EIF4G2: variants seen among roughly 807,000 people sequenced by gnomAD.
EIF4G2 encodes the protein DAP-5.
In EIF4G2, 8 loss-of-function variants were observed where a neutral mutation model predicts 117.7. The observed-to-expected ratio is 0.07, with a 90% confidence interval of 0.04 to 0.12. EIF4G2 has a LOEUF of 0.12. Ranked by LOEUF, EIF4G2 falls within the 10% of genes least tolerant of loss-of-function variation. The pLI, the probability that EIF4G2 is intolerant of heterozygous loss-of-function variation, is 1.00. For missense variants in EIF4G2, 812 were observed against 1,086.2 expected, an observed-to-expected ratio of 0.75 and a Z score of 3.55; for synonymous variants, 413 against 367.8, an observed-to-expected ratio of 1.12 and a Z score of -1.41.
Position 10,799,789 on chromosome 11 carries a change from A to C in EIF4G2, c.2120-33T>G, listed in dbSNP as rs772584604. ...GACAAAGCCACCTGCATCATCTAAT[A>C]GTTCATTTTACCAAGTTGTCCTGTC... On this transcript the variant is annotated intron_variant, in intron 18 of 21. Coordinates refer to ENST00000339995, the MANE Select transcript of EIF4G2 (RefSeq NM_001418.4). 2.1e-5 allele frequency: 34 copies of C among 1,597,204 alleles called. No individual in the cohort carries two copies. In the East Asian group the frequency reaches 7.6e-4, roughly 36 times the overall value.
chr11:10,805,510 G>A (rs1024862108), intron 4 of EIF4G2, among the ~76,000 whole-genome samples: 16 of 152,084 alleles, frequency 1.1e-4, no homozygotes, highest in Admixed American at 6.5e-4. Flanking sequence ...GAGTGCAGTG[G>A]CGTGATCTCG....
chr11:10,808,618 G>T, intron 1 of EIF4G2, 87 bp downstream of exon 1: 1 of 605,564 alleles, frequency 1.7e-6, no homozygotes, highest in Non-Finnish European at 2.3e-6. Context: ...GCCTGCGGCC[G>T]CCATTTTGTA....
At position 10,807,236 on chromosome 11, in the gene EIF4G2, A is replaced by G. The variant is rs1174850306; in HGVS notation, c.41+19T>C. ...ACTGGCCTTTTCAAAAGGATTCCCC[A>G]AAATAAATCTACAAGTACCTGAAAC... On this transcript the variant is annotated intron_variant, in intron 2 of 21. Coordinates refer to ENST00000339995, the MANE Select transcript of EIF4G2 (RefSeq NM_001418.4). The G allele has an allele frequency of 6.2e-7, 1 of 1,603,400 alleles. No individual in the cohort carries two copies. The highest frequency in any genetic ancestry group is 8.5e-7 in the Non-Finnish European group (1 of 1,176,632).
intron 11 of EIF4G2, 64 bp downstream of exon 11, chr11:10,802,966 G>A: frequency 4.1e-6 from 6 of 1,474,874 alleles, no homozygotes; most frequent in Non-Finnish European, 5.6e-6. Context: ...TGGGTGAGGA[G>A]GAAACCCATT....
In EIF4G2 at chr11:10,800,655, G is replaced by A. The variant is rs4910190; in HGVS notation, c.1645-8C>T. Reference sequence around the variant, plus strand: ...TTCAGTCACAACAGTTTCCTGTGAAGAACACAAGTATCTTTAATGTATTCT... The same window carrying A: ...TTCAGTCACAACAGTTTCCTGTGAAAAACACAAGTATCTTTAATGTATTCT... On this transcript the variant is annotated splice_region_variant and splice_polypyrimidine_tract_variant and intron_variant, in intron 16 of 21. Coordinates refer to ENST00000339995, the MANE Select transcript of EIF4G2 (RefSeq NM_001418.4). 0.56 allele frequency: 906,379 copies of A among 1,613,750 alleles called. 261,891 individuals are homozygous for A. Among genetic ancestry groups the A allele is most frequent in the South Asian group, 0.7 (63,311 of 91,068 alleles).
At chr11:10,804,584 A>G in intron 5 of EIF4G2, 166 bp from the exon 6 acceptor site, 4 of 849,562 alleles carry the variant, frequency 4.7e-6, no homozygotes, top group Non-Finnish European at 6.9e-6. Context: ...AGAAAATGCC[A>G]TGGATATCAA....
chr11:10,807,598 A>G (rs1847617916), intron 1 of EIF4G2: 1 of 1,186,680 alleles, frequency 8.4e-7, no homozygotes, highest in African/African-American at 1.6e-5. Flanking sequence ...GTAGAACACA[A>G]GAGCATTTTA....
In EIF4G2 at chr11:10,803,024, T is replaced by A. The variant is rs1847472754; in HGVS notation, c.996+6A>T. On this transcript the variant is annotated splice_donor_region_variant and intron_variant, in intron 11 of 21. Transcript: ENST00000339995. The surrounding 1 kb of genome is among the most constrained non-coding windows in gnomAD (Gnocchi z 4.0). Reference sequence around the variant, plus strand: ...ATGTGACAAACAAAACAAAACCCAATCTTACTTTTACTGCATCTTGACGAA... The same window carrying A: ...ATGTGACAAACAAAACAAAACCCAAACTTACTTTTACTGCATCTTGACGAA... The A allele has an allele frequency of 6.2e-7, 1 of 1,606,034 alleles. No individual in the cohort carries two copies. The highest frequency in any genetic ancestry group is 8.5e-7 in the Non-Finnish European group (1 of 1,176,444).
chr11:10,798,960 T>C (rs746139978), intron 21 of EIF4G2, 32 bp downstream of exon 21: 20 of 1,584,218 alleles, frequency 1.3e-5, no homozygotes, highest in Middle Eastern at 1.7e-4. Flanking sequence ...CAAACTGAAG[T>C]AAGCAGACCA....
Position 10,799,385 on chromosome 11 carries a change from G to A in EIF4G2, c.2364C>T (p.Ser788=), listed in dbSNP as rs771946668. The A allele has an allele frequency of 4.3e-6, 7 of 1,612,076 alleles. No homozygotes were observed. The African/African-American group carries it at 6.7e-5, about 15-fold the overall frequency. The change falls in exon 20 of 22, where the codon AGC becomes AGT. Residue 788 remains serine, a synonymous_variant. Coordinates refer to ENST00000339995, the MANE Select transcript of EIF4G2 (RefSeq NM_001418.4). ...GAGCAGAGGATGAATCTGTTTCATC[G>A]CTGGGGGGGTTTACTTCACTAGAAA...
Position 10,804,144 on chromosome 11 carries a change from A to G in EIF4G2, c.543T>C (p.Asn181=), listed in dbSNP as rs1420551540. Reference sequence around the variant, plus strand: ...ATCAGCTATAAGTCTTACCATCAACATTTCTAGTTCGGTTTTCAAATTCAT... The same window carrying G: ...ATCAGCTATAAGTCTTACCATCAACGTTTCTAGTTCGGTTTTCAAATTCAT... Residue 181 remains asparagine (N), a synonymous_variant, in exon 7 of 22, where the codon AAT becomes AAC. Transcript: ENST00000339995. The G allele has an allele frequency of 8.7e-6, 14 of 1,614,044 alleles. No homozygotes were observed. In the African/African-American group the frequency reaches 1.6e-4, roughly 18 times the overall value.
In EIF4G2 at chr11:10,800,151, A is replaced by G; in HGVS notation, c.2058T>C (p.Asp686=). 6.2e-7 allele frequency: 1 copy of G among 1,614,166 alleles called. No homozygotes were observed. The highest frequency in any genetic ancestry group is 8.5e-7 in the Non-Finnish European group (1 of 1,180,016). The change falls in exon 18 of 22, where the codon GAT becomes GAC. Residue 686 remains aspartate (D), a synonymous_variant. Coordinates refer to ENST00000339995, the MANE Select transcript of EIF4G2 (RefSeq NM_001418.4). ...GAAAAAGTTCTGTTAACCATTCTCGATCTTGTAATTTAGCTAACTGCTGAA... is the reference window on the plus strand; with the variant it reads ...GAAAAAGTTCTGTTAACCATTCTCGGTCTTGTAATTTAGCTAACTGCTGAA...
rs966524623 is a variant in EIF4G2 at position 10,805,021 on chromosome 11, G to A, written c.249-6C>T. The A allele has an allele frequency of 6.2e-7, 1 of 1,605,350 alleles. No homozygotes were observed. The highest frequency in any genetic ancestry group is 8.5e-7 in the Non-Finnish European group (1 of 1,172,184). On this transcript the variant is annotated splice_polypyrimidine_tract_variant and splice_region_variant and intron_variant, in intron 4 of 21. Coordinates refer to ENST00000339995, the MANE Select transcript of EIF4G2 (RefSeq NM_001418.4). ...GAGTAAGCTTATTTAGTATGCTGGA[G>A]AAAAAGGAATTACATTTTAAGTGTT...
In EIF4G2 at chr11:10,799,295, T is replaced by C. The variant is rs1590038794; in HGVS notation, c.2454A>G (p.Lys818=). The change falls in exon 20 of 22, where the codon AAA becomes AAG. Residue 818 remains lysine (K), a synonymous_variant. Coordinates refer to ENST00000339995, the MANE Select transcript of EIF4G2 (RefSeq NM_001418.4). ...GTAGATCAACGTGATCATGAAGAAA[T>C]TTCTGCATTACTGGCTTGAAAGATA... is the stretch of plus-strand genomic sequence containing the variant. The C allele has an allele frequency of 6.2e-7, 1 of 1,614,166 alleles. No individual in the cohort carries two copies. The highest frequency in any genetic ancestry group is 8.5e-7 in the Non-Finnish European group (1 of 1,180,032).
intron 14 of EIF4G2, 62 bp from the exon 15 acceptor site, chr11:10,801,149 C>A: frequency 6.3e-7 from 1 of 1,598,982 alleles, no homozygotes; most frequent in Non-Finnish European, 8.5e-7. Flanking sequence ...ATATTAAATA[C>A]AACATTCTAA....
intron 4 of EIF4G2, among the ~76,000 whole-genome samples, chr11:10,805,582 A>G (rs1847544134): frequency 6.6e-6 from 1 of 151,898 alleles, no homozygotes; most frequent in South Asian, 2.1e-4. Flanking sequence ...CCTCTCTAGT[A>G]GCTGGGACTA....
intron 5 of EIF4G2, 44 bp downstream of exon 5, chr11:10,804,869 C>T: frequency 6.6e-7 from 1 of 1,509,096 alleles, no homozygotes; most frequent in East Asian, 2.3e-5. Flanking sequence ...GTTTGTTAAA[C>T]AGTTCCCTCT....
At chr11:10,802,904 A>C in intron 11 of EIF4G2, 126 bp downstream of exon 11, 1 of 780,542 alleles carries the variant, frequency 1.3e-6, no homozygotes, top group South Asian at 2.2e-5. Flanking sequence ...CGAGACACTA[A>C]AAACATTAAG....
chr11:10,806,983 G>A (rs1847593688), intron 2 of EIF4G2, 98 bp from the exon 3 acceptor site: 1 of 1,420,260 alleles, frequency 7.0e-7, no homozygotes, highest in Admixed American at 1.8e-5. Context: ...GTAGAGATGG[G>A]GGTCTCGCTA....
Sources: allele counts gnomAD v4.1 joint callset (sites outside exome capture counted in the v4.1 genomes callset), GRCh38; gene constraint gnomAD v4.1.1; non-coding constraint Gnocchi (gnomAD v3.1); transcripts MANE v1.5; gene names NCBI Gene and HGNC (gene_info 2026-07-23, HGNC 2026-07-21).